Variants in WSCD2 observed in about 807,000 individuals in gnomAD.
The protein encoded by WSCD2 is sialate:O-sulfotransferase 2.
In WSCD2, 28 loss-of-function variants were observed where a neutral mutation model predicts 55.7. That is an observed-to-expected ratio of 0.50 (90% confidence interval 0.37 to 0.69). The LOEUF (loss-of-function observed/expected upper bound fraction) is 0.69. Among genes scored for constraint, WSCD2 ranks in the 30% least tolerant of loss-of-function variants. The pLI is 0.00. For synonymous variants in WSCD2, 301 were observed against 301.9 expected, an observed-to-expected ratio of 1.00 and a Z score of 0.03; for missense variants, 616 against 762.1, an observed-to-expected ratio of 0.81 and a Z score of 2.26.
intron 1 of WSCD2, among the ~76,000 whole-genome samples, chr12:108,169,012 C>T: frequency 6.6e-6 from 1 of 152,202 alleles, no homozygotes; most frequent in Middle Eastern, 3.2e-3. Flanking sequence ...ACTGCCTGAG[C>T]TCTGCCTCCT....
chr12:108,192,026 A>G (rs182536129), intron 1 of WSCD2, among the ~76,000 whole-genome samples: 1 of 152,354 alleles, frequency 6.6e-6, no homozygotes. Flanking sequence ...CGAAGAGGGA[A>G]CAATGAAAAA....
intron 1 of WSCD2, among the ~76,000 whole-genome samples, chr12:108,157,734 C>T (rs1358747591): frequency 6.6e-6 from 1 of 152,150 alleles, no homozygotes; most frequent in African/African-American, 2.4e-5. Flanking sequence ...TGCAGTTGTT[C>T]TTCCTCGTCA....
At chr12:108,130,469 T>C (rs1003312939) in intron 1 of WSCD2, among the ~76,000 whole-genome samples, 42 of 145,324 alleles carry the variant, frequency 2.9e-4, no homozygotes, top group African/African-American at 1.0e-3. Flanking sequence ...CTTATGTCCA[T>C]TCTGGGGTGT....
chr12:108,167,023 G>T (rs1371182116), intron 1 of WSCD2, among the ~76,000 whole-genome samples: 2 of 151,658 alleles, frequency 1.3e-5, no homozygotes, highest in Non-Finnish European at 1.5e-5. Flanking sequence ...TGTTGGCTAG[G>T]CTTGTCTCGA....
intron 1 of WSCD2, among the ~76,000 whole-genome samples, chr12:108,163,971 A>G (rs1879338909): frequency 6.6e-6 from 1 of 152,034 alleles, no homozygotes; most frequent in South Asian, 2.1e-4. Context: ...AATGCCTGGA[A>G]AGGTAGTGAA....
chr12:108,199,933 C>A (rs768082623), intron 2 of WSCD2, among the ~76,000 whole-genome samples: 1 of 152,120 alleles, frequency 6.6e-6, no homozygotes, highest in Non-Finnish European at 1.5e-5. Flanking sequence ...TGCATACTAC[C>A]TTAATACATG....
chr12:108,222,583 T>C (rs903655337), intron 4 of WSCD2, among the ~76,000 whole-genome samples: 35 of 152,362 alleles, frequency 2.3e-4, no homozygotes, highest in Non-Finnish European at 2.1e-4. Flanking sequence ...GAAGGGTATA[T>C]ACAACTCAGA....
At chr12:108,198,313 T>C (rs1021392836) in intron 2 of WSCD2, among the ~76,000 whole-genome samples, 2 of 152,174 alleles carry the variant, frequency 1.3e-5, no homozygotes, top group Admixed American at 6.5e-5. Context: ...AACGAATGAA[T>C]GACTATCCCT....
intron 1 of WSCD2, among the ~76,000 whole-genome samples, chr12:108,142,933 C>G (rs1420826860): frequency 1.3e-5 from 2 of 152,184 alleles, no homozygotes; most frequent in African/African-American, 4.8e-5. Context: ...GCCTCAGCCT[C>G]CTTAGTAGCT....
intron 1 of WSCD2, chr12:108,167,444 C>T (rs1879786056): frequency 6.6e-6 from 1 of 152,190 alleles, no homozygotes; most frequent in Non-Finnish European, 1.5e-5. Context: ...TGTGTGTTCT[C>T]CACTGCCCAA....
chr12:108,198,309 T>C (rs1386362946), intron 2 of WSCD2, among the ~76,000 whole-genome samples: 1 of 152,166 alleles, frequency 6.6e-6, no homozygotes, highest in Non-Finnish European at 1.5e-5. Context: ...AATAAACGAA[T>C]GAATGACTAT....
At chr12:108,201,040 T>C (rs964391302) in intron 2 of WSCD2, among the ~76,000 whole-genome samples, 1 of 152,238 alleles carries the variant, frequency 6.6e-6, no homozygotes, top group Non-Finnish European at 1.5e-5. Context: ...TGCATCAAAT[T>C]AATGTTACTT....
rs1350087268 is a variant in WSCD2, at chr12:108,210,713, A to T, written c.682+408A>T. Among the ~76,000 whole-genome samples, 1 of 152,236 alleles carries T rather than the reference A, an allele frequency of 6.6e-6. No individual in the cohort carries two copies. The highest frequency in any genetic ancestry group is 1.5e-5 in the Non-Finnish European group (1 of 68,040). On this transcript the variant is annotated intron_variant, in intron 4 of 8. Coordinates refer to ENST00000547525, the MANE Select transcript of WSCD2 (RefSeq NM_014653.4). This position sits in a 1 kb window ranked among gnomAD's most constrained non-coding sequence, Gnocchi z 4.3. ...CTCCATGCCTCATATAGAATAGCAC[A>T]TCTAATCTTCACAATGACCCTTGAC...
intron 2 of WSCD2, 21 bp from the exon 3 acceptor site, chr12:108,206,268 G>A: frequency 1.9e-6 from 3 of 1,609,360 alleles, no homozygotes; most frequent in Middle Eastern, 1.7e-4. Context: ...AGCCACCTTT[G>A]ACGTTTTCCT....
chr12:108,192,587 G>C (rs1883323299), intron 1 of WSCD2, among the ~76,000 whole-genome samples: 1 of 152,168 alleles, frequency 6.6e-6, no homozygotes, highest in Non-Finnish European at 1.5e-5. Flanking sequence ...TCCTGAGCTT[G>C]GCATCCAAGG....
intron 8 of WSCD2, among the ~76,000 whole-genome samples, chr12:108,242,579 CTAT>C (rs1889838849): frequency 6.6e-6 from 1 of 152,106 alleles, no homozygotes; most frequent in African/African-American, 2.4e-5. Context: ...GCACCCTGGA[CTAT>C]TACTGGGTGG....
chr12:108,181,337 A>G (rs1881730054), intron 1 of WSCD2, among the ~76,000 whole-genome samples: 1 of 152,128 alleles, frequency 6.6e-6, no homozygotes. Context: ...ACATCATGAC[A>G]GCAAAGACCT....
rs1024809982 is a variant in WSCD2 at position 108,249,632 on chromosome 12, T to G, written c.*1289T>G. On this transcript the variant is annotated 3_prime_UTR_variant, in exon 9 of 9. Coordinates refer to ENST00000547525, the MANE Select transcript of WSCD2 (RefSeq NM_014653.4). ...GCCATAGGTCATAGCCTCTTTGCTA[T>G]TCTATTGGAGTAGCCTCCCTAGGCA... 2.6e-5 allele frequency: 4 copies of G among 152,656 alleles called. No individual in the cohort carries two copies. The highest frequency in any genetic ancestry group is 9.6e-5 in the African/African-American group (4 of 41,454). 9.5% of individuals were successfully genotyped at this position (152,656 alleles called of 1,614,324 possible).
At chr12:108,240,284 G>C in intron 7 of WSCD2, 60 bp from the exon 8 acceptor site, 1 of 1,596,258 alleles carries the variant, frequency 6.3e-7, no homozygotes, top group South Asian at 1.1e-5. Context: ...GAAGAGAGTG[G>C]GGTGGGCTTC....
Sources: gnomAD v4.1 joint callset for allele counts (sites outside exome capture counted in the v4.1 genomes callset) on GRCh38, gnomAD v4.1.1 for gene constraint, Gnocchi (gnomAD v3.1) non-coding constraint, MANE v1.5 for transcripts, NCBI Gene and HGNC (gene_info 2026-07-23, HGNC 2026-07-21) for gene names.